RAD51: variants seen among roughly 807,000 people sequenced by gnomAD.
RAD51 encodes the protein DNA repair protein RAD51 homolog 1.
Under a neutral mutation model 41.5 loss-of-function variants are expected in RAD51, and 14 were observed. That is an observed-to-expected ratio of 0.34 (90% CI 0.22 to 0.53). The LOEUF (loss-of-function observed/expected upper bound fraction) is 0.53. RAD51 is among the 20% of genes least tolerant of loss of function. The pLI is 0.95. For missense variants in RAD51, 234 were observed against 422.0 expected, an observed-to-expected ratio of 0.55 and a Z score of 3.90; for synonymous variants, 136 against 148.6, an observed-to-expected ratio of 0.92 and a Z score of 0.62.
At chr15:40,717,092 C>T (rs539407341) in intron 5 of RAD51, among the ~76,000 whole-genome samples, 3 of 151,926 alleles carry the variant, frequency 2.0e-5, no homozygotes, top group Non-Finnish European at 2.9e-5. Context: ...CCTCCCAGCA[C>T]TTTGGGAGGC....
chr15:40,730,119 C>A, intron 9 of RAD51, 145 bp downstream of exon 9: 1 of 1,198,770 alleles, frequency 8.3e-7, no homozygotes, highest in Non-Finnish European at 1.2e-6. Context: ...TTAACATGCT[C>A]TCGTTGGTAT....
At chr15:40,709,472 C>G (rs1684548601) in intron 5 of RAD51, among the ~76,000 whole-genome samples, 2 of 144,686 alleles carry the variant, frequency 1.4e-5, no homozygotes, top group Admixed American at 7.4e-5. Context: ...CTCTCTGGTT[C>G]AAGTGATTCT....
intron 5 of RAD51, 131 bp from the exon 6 acceptor site, chr15:40,718,674 T>C: frequency 2.5e-6 from 2 of 784,856 alleles, no homozygotes; most frequent in Non-Finnish European, 2.2e-6. Context: ...GAATGCCTCC[T>C]TCCTACCACT....
chr15:40,725,060 C>T (rs550345258), intron 6 of RAD51, among the ~76,000 whole-genome samples: 3,951 of 151,438 alleles, frequency 0.026, 180 homozygotes, highest in African/African-American at 0.091. Flanking sequence ...CCACCGCGCC[C>T]GGCTAATTTT....
chr15:40,703,725 G>T (rs756133319), intron 3 of RAD51, among the ~76,000 whole-genome samples: 3 of 151,590 alleles, frequency 2.0e-5, no homozygotes, highest in Non-Finnish European at 4.4e-5. Context: ...TTTTTCTCGG[G>T]CAATGCAGCT....
At chr15:40,697,123 A>G (rs924364574) in intron 1 of RAD51, among the ~76,000 whole-genome samples, 1 of 152,086 alleles carries the variant, frequency 6.6e-6, no homozygotes, top group African/African-American at 2.4e-5. Flanking sequence ...CTTTTGAGAC[A>G]GAGTTTGGCT....
chr15:40,704,192 G>A (rs996827821), intron 3 of RAD51, among the ~76,000 whole-genome samples: 16 of 151,924 alleles, frequency 1.1e-4, no homozygotes, highest in Admixed American at 1.1e-3. Context: ...TCCTGCCTCA[G>A]CCTCCTGAGT....
intron 1 of RAD51, among the ~76,000 whole-genome samples, chr15:40,697,512 A>G (rs1200914077): frequency 1.3e-5 from 2 of 151,936 alleles, no homozygotes; most frequent in African/African-American, 2.4e-5. Flanking sequence ...TGTGAAAATA[A>G]TAAGTGTTAC....
intron 7 of RAD51, 66 bp downstream of exon 7, chr15:40,728,890 AT>A: frequency 7.7e-7 from 1 of 1,296,526 alleles, no homozygotes. Flanking sequence ...TGTAATGGCT[AT>A]TTGGCCAGAT....
chr15:40,711,273 A>C (rs531552467), intron 5 of RAD51, among the ~76,000 whole-genome samples: 3 of 152,236 alleles, frequency 2.0e-5, no homozygotes, highest in Admixed American at 2.0e-4. Flanking sequence ...CAGACAATTA[A>C]AAATATTAGC....
At chr15:40,708,231 C>CTTTTT (rs1222352292) in intron 4 of RAD51, among the ~76,000 whole-genome samples, 2 of 116,206 alleles carry the variant, frequency 1.7e-5, no homozygotes, top group East Asian at 2.4e-4. Flanking sequence ...TTGTGCCCAG[C>CTTTTT]TTTTTTTTTT....
chr15:40,695,207 G>T lies in RAD51; in HGVS notation c.-221G>T, dbSNP rs1244330137. ...AAGCCGCTGGCGGACCGCGCGCAGC[G>T]GCCAGAGACCGAGCCCTAAGGAGAG... On this transcript the variant is annotated 5_prime_UTR_variant, in exon 1 of 10. Coordinates refer to ENST00000267868, the MANE Select transcript of RAD51 (RefSeq NM_002875.5). 2.0e-5 allele frequency: 3 copies of T among 152,312 alleles called. No homozygotes were observed. In the East Asian group the frequency reaches 5.8e-4, roughly 29 times the overall value. The allele number at this position is 152,312 out of a possible 1,614,324, so 9.4% of individuals were successfully genotyped here. A position where few individuals can be genotyped will look rare whatever the true frequency, so the allele number is the denominator to read the frequency against.
intron 6 of RAD51, among the ~76,000 whole-genome samples, chr15:40,726,473 C>T (rs897224795): frequency 6.6e-6 from 1 of 151,706 alleles, no homozygotes; most frequent in Non-Finnish European, 1.5e-5. Flanking sequence ...AGGCTAGTCT[C>T]GAACTCCTGA....
At chr15:40,696,607 C>T (rs1595972024) in intron 1 of RAD51, among the ~76,000 whole-genome samples, 1 of 152,214 alleles carries the variant, frequency 6.6e-6, no homozygotes, top group African/African-American at 2.4e-5. Context: ...GAATGGTCCT[C>T]AGAAGCCTTC....
intron 5 of RAD51, among the ~76,000 whole-genome samples, chr15:40,713,727 C>G (rs1273156353): frequency 6.6e-6 from 1 of 151,866 alleles, no homozygotes. Flanking sequence ...CTGCCTCAGC[C>G]TCCCGAGTAG....
At chr15:40,704,423 G>A (rs1895199520) in intron 3 of RAD51, among the ~76,000 whole-genome samples, 2 of 150,350 alleles carry the variant, frequency 1.3e-5, no homozygotes, top group South Asian at 4.2e-4. Context: ...GTGCGGTGGT[G>A]TGATCTCGGC....
chr15:40,719,032 G>T (rs1217917298), intron 6 of RAD51, 133 bp downstream of exon 6: 2 of 792,540 alleles, frequency 2.5e-6, no homozygotes, highest in Non-Finnish European at 4.3e-6. Flanking sequence ...TCAAAAGAAT[G>T]ACTTCCTTAG....
intron 5 of RAD51, among the ~76,000 whole-genome samples, chr15:40,716,014 A>G (rs979286163): frequency 6.6e-6 from 1 of 152,170 alleles, no homozygotes; most frequent in South Asian, 2.1e-4. Flanking sequence ...ATGGATTCCC[A>G]TGATGTGAGA....
chr15:40,722,421 A>G (rs1317245106), intron 6 of RAD51, among the ~76,000 whole-genome samples: 3 of 151,066 alleles, frequency 2.0e-5, no homozygotes, highest in African/African-American at 7.3e-5. Flanking sequence ...CTCGGGGAAA[A>G]AAAAAAAAAA....
Sources: gnomAD v4.1 joint callset for allele counts (sites outside exome capture counted in the v4.1 genomes callset) on GRCh38, gnomAD v4.1.1 for gene constraint, MANE v1.5 for transcripts, NCBI Gene and HGNC (gene_info 2026-07-23, HGNC 2026-07-21) for gene names.